Variants in MOXD1 observed in about 807,000 individuals in gnomAD.
The protein encoded by MOXD1 is DBH-like monooxygenase protein 1.
Under a neutral mutation model 66.6 loss-of-function variants are expected in MOXD1, and 62 were observed. The observed-to-expected ratio is 0.93, with a 90% confidence interval of 0.76 to 1.15. MOXD1 has a LOEUF of 1.15. Ranked by LOEUF, MOXD1 falls within the 50% of genes most tolerant of loss-of-function variation. The pLI, the probability that MOXD1 is intolerant of heterozygous loss-of-function variation, is 0.00. For synonymous variants in MOXD1, 303 were observed against 281.9 expected, an observed-to-expected ratio of 1.07 and a Z score of -0.75; for missense variants, 847 against 754.6, an observed-to-expected ratio of 1.12 and a Z score of -1.44.
chr6:132,378,141 A>G (rs976506534), intron 1 of MOXD1, among the ~76,000 whole-genome samples: 1 of 152,080 alleles, frequency 6.6e-6, no homozygotes, highest in Non-Finnish European at 1.5e-5. Flanking sequence ...CTCAAAAAAA[A>G]AATTTTTTTT....
intron 1 of MOXD1, among the ~76,000 whole-genome samples, chr6:132,387,647 C>T (rs886806333): frequency 2.0e-5 from 3 of 147,932 alleles, no homozygotes; most frequent in African/African-American, 4.9e-5. Flanking sequence ...CTAGCTACTC[C>T]GGAGGCTGAG....
Position 132,301,311 on chromosome 6 carries a change from C to T in MOXD1, c.1509-3356G>A, listed in dbSNP as rs554456313. The stretch of plus-strand genomic sequence containing the variant: ...TGTAAATTCCATCTAAACTCTGAGA[C>T]ATGTTTTTCTAAGAAGATAGCAAAG... On this transcript the variant is annotated intron_variant, in intron 10 of 11. Transcript: ENST00000367963. Among the ~76,000 whole-genome samples, 4 of 151,692 alleles carry T rather than the reference C, an allele frequency of 2.6e-5. No individual in the cohort carries two copies. The East Asian group carries it at 7.7e-4, about 29-fold the overall frequency.
intron 8 of MOXD1, 120 bp downstream of exon 8, chr6:132,322,559 G>T: frequency 2.2e-6 from 2 of 903,738 alleles, no homozygotes; most frequent in Non-Finnish European, 3.3e-6. Flanking sequence ...ACAGTGGGTG[G>T]TGTTAAGAAT....
chr6:132,315,063 T>C (rs1376990351), intron 10 of MOXD1, among the ~76,000 whole-genome samples: 1 of 152,254 alleles, frequency 6.6e-6, no homozygotes, highest in East Asian at 1.9e-4. Context: ...TGACTCATTG[T>C]GCCTATACTG....
chr6:132,337,029 A>T (rs1775455751), intron 4 of MOXD1, among the ~76,000 whole-genome samples: 2 of 152,180 alleles, frequency 1.3e-5, no homozygotes, highest in Admixed American at 6.5e-5. Flanking sequence ...ATTCAGTGAG[A>T]TACCATCAAG....
chr6:132,339,836 T>G (rs966576924), intron 4 of MOXD1, among the ~76,000 whole-genome samples: 1 of 152,004 alleles, frequency 6.6e-6, no homozygotes, highest in Non-Finnish European at 1.5e-5. Context: ...TAATACAATG[T>G]TAAGGGCAAG....
At chr6:132,318,391 C>G (rs1775002697) in intron 9 of MOXD1, among the ~76,000 whole-genome samples, 1 of 151,920 alleles carries the variant, frequency 6.6e-6, no homozygotes, top group South Asian at 2.1e-4. Context: ...CTGGTTAGTT[C>G]AAAACATCTC....
intron 9 of MOXD1, among the ~76,000 whole-genome samples, chr6:132,318,467 T>C (rs1024083539): frequency 6.6e-6 from 1 of 152,078 alleles, no homozygotes; most frequent in African/African-American, 2.4e-5. Flanking sequence ...GTATCTATTA[T>C]ATGGGTTGTT....
chr6:132,365,769 A>G (rs74717223), intron 4 of MOXD1, among the ~76,000 whole-genome samples: 1,625 of 152,294 alleles, frequency 0.011, 18 homozygotes, highest in Non-Finnish European at 0.014. Context: ...ACTTTACAAC[A>G]TTGAACAATC....
In MOXD1 at chr6:132,371,102, A is replaced by G. The variant is rs956543289; in HGVS notation, c.663+1506T>C. 2.0e-5 allele frequency among the ~76,000 whole-genome samples: 3 copies of G among 152,160 alleles called. No individual in the cohort carries two copies. In the South Asian group the frequency reaches 6.2e-4, roughly 31 times the overall value. ...GGATAAAGGACCGGTTGTTTGAAAC[A>G]TTTGTTTCTATTTCTGAATCTACAG... On this transcript the variant is annotated intron_variant, in intron 4 of 11. Transcript: ENST00000367963.
chr6:132,363,338 C>T (rs1483094457), intron 4 of MOXD1, among the ~76,000 whole-genome samples: 5 of 151,854 alleles, frequency 3.3e-5, no homozygotes, highest in Non-Finnish European at 5.9e-5. Context: ...TCAAATGGTA[C>T]ACACTATAAC....
At chr6:132,318,214 T>G (rs1184321471) in intron 9 of MOXD1, among the ~76,000 whole-genome samples, 1 of 152,058 alleles carries the variant, frequency 6.6e-6, no homozygotes, top group East Asian at 1.9e-4. Context: ...ATTCCAAGGT[T>G]AAATCTACAT....
intron 10 of MOXD1, among the ~76,000 whole-genome samples, chr6:132,298,518 T>C (rs946054848): frequency 6.6e-6 from 1 of 152,114 alleles, no homozygotes; most frequent in African/African-American, 2.4e-5. Flanking sequence ...CCATACACTA[T>C]AAAAGCCTGA....
Position 132,384,369 on chromosome 6 carries a change from C to T in MOXD1, c.265-9592G>A, listed in dbSNP as rs1390390178. Among the ~76,000 whole-genome samples the T allele has an allele frequency of 2.0e-5, 3 of 151,210 alleles. No individual in the cohort carries two copies. In the East Asian group the frequency reaches 5.9e-4, roughly 29 times the overall value. On this transcript the variant is annotated intron_variant, in intron 1 of 11. Coordinates refer to ENST00000367963, the MANE Select transcript of MOXD1 (RefSeq NM_015529.4). ...CTCTCCTTTCTTTCCCCAGCATATA[C>T]TTTATTGAGTTACTATTCTTCAGAC...
At chr6:132,374,811 C>T (rs774500471) in intron 1 of MOXD1, 34 bp from the exon 2 acceptor site, 3 of 1,578,178 alleles carry the variant, frequency 1.9e-6, no homozygotes, top group Non-Finnish European at 2.6e-6. Context: ...AATCAGGATA[C>T]CTAAATACAG....
intron 9 of MOXD1, among the ~76,000 whole-genome samples, 179 bp from the exon 10 acceptor site, chr6:132,315,956 T>G (rs984667608): frequency 6.6e-6 from 1 of 152,166 alleles, no homozygotes; most frequent in African/African-American, 2.4e-5. Context: ...ATTAATAGAA[T>G]TATTTCCACT....
chr6:132,372,690 A>T lies in MOXD1; in HGVS notation c.581T>A (p.Val194Asp), dbSNP rs755044412. 6.2e-7 allele frequency: 1 copy of T among 1,613,530 alleles called. No homozygotes were observed. Among genetic ancestry groups the T allele is most frequent in the Non-Finnish European group, 8.5e-7 (1 of 1,179,522 alleles). ...TGTTGTATCTTTGTTTGGGATGGGG[A>T]CCTGTCTTAATAAAAAGGGGAGGAA... ...LPYFDLVNQDVPIPNKDTTYW... is the reference protein window; with the variant it reads ...LPYFDLVNQDDPIPNKDTTYW... Residue 194 changes from valine (V) to aspartate (D), a missense_variant and splice_region_variant, in exon 4 of 12, where the codon GTC becomes GAC. Coordinates refer to ENST00000367963, the MANE Select transcript of MOXD1 (RefSeq NM_015529.4).
chr6:132,310,318 T>A (rs1442878925), intron 10 of MOXD1, among the ~76,000 whole-genome samples: 1 of 152,194 alleles, frequency 6.6e-6, no homozygotes, highest in Non-Finnish European at 1.5e-5. Flanking sequence ...CCAGTCAGAA[T>A]GGCAATTATT....
intron 4 of MOXD1, among the ~76,000 whole-genome samples, chr6:132,361,664 C>T (rs763550983): frequency 6.6e-6 from 1 of 152,098 alleles, no homozygotes; most frequent in Non-Finnish European, 1.5e-5. Context: ...CAACCACTAT[C>T]ATCACAAAAG....
Sources: gnomAD v4.1 joint callset for allele counts (sites outside exome capture counted in the v4.1 genomes callset) on GRCh38, gnomAD v4.1.1 for gene constraint, MANE v1.5 for transcripts, NCBI Gene and HGNC (gene_info 2026-07-23, HGNC 2026-07-21) for gene names.